FAM161A: variants seen among roughly 807,000 people sequenced by gnomAD.
FAM161A encodes the protein FAM161 centrosomal protein A, also known as protein FAM161A.
In FAM161A, 57 loss-of-function variants were observed where a neutral mutation model predicts 70.9. The ratio of observed to expected loss-of-function variants is 0.80; its 90% confidence interval spans 0.65 to 1.00. FAM161A has a LOEUF of 1.00. Among genes scored for constraint, FAM161A ranks in the 50% least tolerant of loss-of-function variants. The pLI is 0.00. For missense variants in FAM161A, 880 were observed against 836.0 expected, an observed-to-expected ratio of 1.05 and a Z score of -0.65; for synonymous variants, 299 against 295.7, an observed-to-expected ratio of 1.01 and a Z score of -0.12.
chr2:61,824,573 C>T (rs371747811), downstream of FAM161A, among the ~76,000 whole-genome samples: 7 of 152,186 alleles, frequency 4.6e-5, no homozygotes, highest in African/African-American at 1.7e-4. Flanking sequence ...GTCCTTCCTA[C>T]AGCCACTCAA....
At chr2:61,853,030 G>C (rs1227599823) in intron 1 of FAM161A, among the ~76,000 whole-genome samples, 2 of 141,550 alleles carry the variant, frequency 1.4e-5, no homozygotes, top group African/African-American at 5.3e-5. Context: ...TCCTGCCTCA[G>C]CCTTCCGAGT....
chr2:61,844,349 T>C (rs6707872), intron 1 of FAM161A, among the ~76,000 whole-genome samples: 55,599 of 152,026 alleles, frequency 0.37, 10,915 homozygotes, highest in East Asian at 0.71. Flanking sequence ...ATTAAATATT[T>C]GGGGGCCATC....
At chr2:61,853,785 G>C (rs2105110828) in intron 1 of FAM161A, 74 bp downstream of exon 1, 1 of 1,558,918 alleles carries the variant, frequency 6.4e-7, no homozygotes, top group Middle Eastern at 1.7e-4. Context: ...CCTCAGCTGG[G>C]CGGGGAACCG....
rs771029527 is a variant in FAM161A, at chr2:61,835,970, A to C, written c.1851+40T>G. 3.1e-5 allele frequency: 45 copies of C among 1,445,666 alleles called. No homozygotes were observed. In the Admixed American group the frequency reaches 4.3e-4, roughly 14 times the overall value. 89.6% of individuals were successfully genotyped at this position (1,445,666 alleles called of 1,614,324 possible). On this transcript the variant is annotated intron_variant, in intron 5 of 6. Transcript: ENST00000404929. ...GGAGCTAAAGCTGTAAAAAAAAAAAAAAAAACTGACGATAGCTCTTAAATT... is the reference window on the plus strand; with the variant it reads ...GGAGCTAAAGCTGTAAAAAAAAAAACAAAAACTGACGATAGCTCTTAAATT...
chr2:61,811,105 T>C, the FAM161A span, among the ~76,000 whole-genome samples: 3 of 138,328 alleles, frequency 2.2e-5, no homozygotes, highest in African/African-American at 8.2e-5. Flanking sequence ...CTTTGAAACA[T>C]ATCCTGAATC....
the FAM161A span, among the ~76,000 whole-genome samples, chr2:61,808,387 A>C: frequency 6.6e-6 from 1 of 151,582 alleles, no homozygotes; most frequent in African/African-American, 2.4e-5. Context: ...ATTCCGCTGC[A>C]TCTGCCTCCC....
rs759403818 is a variant in FAM161A, at chr2:61,840,456, T to A, written c.548A>T (p.Lys183Ile). 1 of 1,614,054 alleles carries A rather than the reference T, an allele frequency of 6.2e-7. No homozygotes were observed. The change falls in exon 3 of 7, where the codon AAA becomes ATA. Residue 183 changes from lysine (K) to isoleucine (I), a missense_variant. Coordinates refer to ENST00000404929, the MANE Select transcript of FAM161A (RefSeq NM_001201543.2). Reference sequence around the variant, plus strand: ...CATTCTGTTTTTCCTAGGATACTCTTTTTCTAGGTTGGGTAACTCCTCTTC... The same window carrying A: ...CATTCTGTTTTTCCTAGGATACTCTATTTCTAGGTTGGGTAACTCCTCTTC... Reference protein sequence around the residue: ...SSEEELPNLEKEYPRKNRMMT... With the variant: ...SSEEELPNLEIEYPRKNRMMT...
chr2:61,839,036 C>G (rs1247141320), intron 3 of FAM161A, among the ~76,000 whole-genome samples: 1 of 151,684 alleles, frequency 6.6e-6, no homozygotes, highest in Non-Finnish European at 1.5e-5. Flanking sequence ...GCACCCGCCA[C>G]CACGCCCAGC....
the FAM161A span, among the ~76,000 whole-genome samples, chr2:61,805,560 G>A: frequency 6.6e-6 from 1 of 152,176 alleles, no homozygotes; most frequent in Non-Finnish European, 1.5e-5. Flanking sequence ...AGCCATTGGG[G>A]AGGTCAGGTC....
At chr2:61,824,306 C>A (rs530040160), downstream of FAM161A, among the ~76,000 whole-genome samples, 3 of 151,140 alleles carry the variant, frequency 2.0e-5, no homozygotes, top group South Asian at 6.3e-4. Flanking sequence ...CCAAAGTGAA[C>A]AGTGATATGC....
chr2:61,802,663 G>T, the FAM161A span, among the ~76,000 whole-genome samples: 1 of 152,134 alleles, frequency 6.6e-6, no homozygotes, highest in African/African-American at 2.4e-5. Context: ...TTTAAAAACT[G>T]TTTCAAATGT....
At chr2:61,827,630 T>A (rs72819391) in intron 5 of FAM161A, among the ~76,000 whole-genome samples, 17,465 of 95,146 alleles carry the variant, frequency 0.18, 1,535 homozygotes, top group Admixed American at 0.31. Flanking sequence ...AAAAAAAAAA[T>A]ATGGATTAAA....
the FAM161A span, chr2:61,803,219 A>G: frequency 5.1e-6 from 3 of 588,632 alleles, no homozygotes; most frequent in Non-Finnish European, 9.6e-6. Flanking sequence ...GCCAAAATGT[A>G]TAAGACCACA....
At chr2:61,827,907 A>C (rs904954682) in intron 5 of FAM161A, among the ~76,000 whole-genome samples, 2 of 152,232 alleles carry the variant, frequency 1.3e-5, no homozygotes, top group African/African-American at 4.8e-5. Flanking sequence ...AAATGAATGA[A>C]CTACAGTTAC....
intron 1 of FAM161A, among the ~76,000 whole-genome samples, chr2:61,853,526 T>C (rs1395331524): frequency 6.6e-6 from 1 of 152,184 alleles, no homozygotes; most frequent in African/African-American, 2.4e-5. Context: ...TTACTATATA[T>C]AGCCAGATAT....
At chr2:61,848,526 A>G (rs932356942) in intron 1 of FAM161A, among the ~76,000 whole-genome samples, 1 of 151,956 alleles carries the variant, frequency 6.6e-6, no homozygotes, top group East Asian at 1.9e-4. Context: ...AATGTTGTAA[A>G]TGCAGCCACC....
intron 6 of FAM161A, 50 bp downstream of exon 6, chr2:61,827,054 G>C (rs6759878): frequency 1.3e-6 from 2 of 1,577,310 alleles, no homozygotes; most frequent in East Asian, 4.5e-5. Flanking sequence ...CTTTTCTGCA[G>C]GTAATAATTT....
At chr2:61,822,828 G>A (rs1672231545), downstream of FAM161A, among the ~76,000 whole-genome samples, 1 of 151,666 alleles carries the variant, frequency 6.6e-6, no homozygotes, top group Non-Finnish European at 1.5e-5. Context: ...GACCTCAGGT[G>A]ATCCGCCTGC....
Position 61,842,194 on chromosome 2 carries a change from T to G in FAM161A, c.350A>C (p.Tyr117Ser), listed in dbSNP as rs1245863006. ...IETMAKLEKM[Y>S]QDKLHLKEVQ... ...TTCCTTTAAATGTAATTTATCCTGG[T>G]ACATTTTCTCTAATTTTGCCATAGT... The change falls in exon 2 of 7, where the codon TAC becomes TCC. Residue 117 changes from tyrosine (Y) to serine (S), a missense_variant. Coordinates refer to ENST00000404929, the MANE Select transcript of FAM161A (RefSeq NM_001201543.2). 6.2e-7 allele frequency: 1 copy of G among 1,614,028 alleles called. No homozygotes were observed. The highest frequency in any genetic ancestry group is 1.1e-5 in the South Asian group (1 of 91,086).
Sources: allele counts gnomAD v4.1 joint callset (sites outside exome capture counted in the v4.1 genomes callset), GRCh38; gene constraint gnomAD v4.1.1; transcripts MANE v1.5; gene names NCBI Gene and HGNC (gene_info 2026-07-23, HGNC 2026-07-21).